Variants in CACNA1A observed in about 807,000 individuals in gnomAD.
The protein encoded by CACNA1A is calcium voltage-gated channel subunit alpha1 A.
CACNA1A carries 57 observed loss-of-function variants against 262.4 expected under a neutral mutation model. The ratio of observed to expected loss-of-function variants is 0.22; its 90% CI spans 0.18 to 0.27. The LOEUF is 0.27. Among genes scored for constraint, CACNA1A ranks in the 10% least tolerant of loss-of-function variants. CACNA1A has a pLI of 1.00. For synonymous variants in CACNA1A, 1,431 were observed against 1,419.3 expected (o/e 1.01, Z -0.18); for missense variants, 2,526 against 3,562.8 (o/e 0.71, Z 7.41).
In CACNA1A at chr19:13,207,271, T is replaced by TG. The variant is rs1236183467; in HGVS notation, c.*41dup. ...CGGCTCCTCGGGTGGGGTGTGTGCGTGGGGTGCGTGGGGGGCCGGGCGGGC... is the reference window on the plus strand; with the variant it reads ...CGGCTCCTCGGGTGGGGTGTGTGCGTGGGGGTGCGTGGGGGGCCGGGCGGGC... On this transcript the variant is annotated 3_prime_UTR_variant, in exon 47 of 47. Coordinates refer to ENST00000360228, the MANE Select transcript of CACNA1A (RefSeq NM_001127222.2). This position sits in a 1 kb window ranked among gnomAD's most constrained non-coding sequence, Gnocchi z 5.7. 1.3e-6 allele frequency: 2 copies of TG among 1,506,420 alleles called. No homozygotes were observed. The highest frequency in any genetic ancestry group is 1.8e-6 in the Non-Finnish European group (2 of 1,131,886). The allele number at this position is 1,506,420 out of a possible 1,614,324, so 93.3% of individuals were successfully genotyped here.
Position 13,208,796 on chromosome 19 carries a change from C to T in CACNA1A, c.6740G>A (p.Arg2247His), listed in dbSNP as rs1219651327. Residue 2247 changes from arginine (R) to histidine (H), a missense_variant, in exon 46 of 47, where the codon CGC becomes CAC. By Grantham distance (29) the Arg-to-His change is conservative. This residue lies in a region of CACNA1A where 929 missense variants were observed against 868.1 expected (regional missense o/e 1.07). Coordinates refer to ENST00000360228, the MANE Select transcript of CACNA1A (RefSeq NM_001127222.2). ...RARARDQRWS[R>H]SPSEGREHMA... ...GTGCTCTCGGCCCTCGCTGGGCGAG[C>T]GGGACCAGCGCTGGTCCCGAGCCCG... 6.7e-6 allele frequency: 10 copies of T among 1,486,196 alleles called. No homozygotes were observed. Among genetic ancestry groups the T allele is most frequent in the Middle Eastern group, 4.7e-4 (2 of 4,300 alleles). The allele number at this position is 1,486,196 out of a possible 1,614,324, so 92.1% of individuals were successfully genotyped here. A position where few individuals can be genotyped will look rare whatever the true frequency, so the allele number is the denominator to read the frequency against.
chr19:13,278,966 T>G (rs2057219318), intron 22 of CACNA1A, among the ~76,000 whole-genome samples: 1 of 152,024 alleles, frequency 6.6e-6, no homozygotes, highest in Non-Finnish European at 1.5e-5. Context: ...GTATTTCAGG[T>G]GCACGAGGCA....
rs2059428027 is a variant in CACNA1A at position 13,376,887 on chromosome 19, T to TATAACAC, written c.540-5109_540-5108insGTGTTAT. Among the ~76,000 whole-genome samples the TATAACAC allele has an allele frequency of 3.7e-5, 5 of 136,786 alleles. 1 individual carries two copies. The highest frequency in any genetic ancestry group is 1.2e-4 in the African/African-American group (5 of 40,166). 89.7% of individuals were successfully genotyped at this position (136,786 alleles called of 152,430 possible). On this transcript the variant is annotated intron_variant, in intron 3 of 46. Transcript: ENST00000360228. Reference sequence around the variant, plus strand: ...TATGTGATATATATAACACATGATATATGTTATATGTGATATATAATTTAT... The same window carrying TATAACAC: ...TATGTGATATATATAACACATGATATATAACACATGTTATATGTGATATATAATTTAT...
intron 3 of CACNA1A, among the ~76,000 whole-genome samples, chr19:13,389,624 C>A (rs1307385192): frequency 6.6e-6 from 1 of 151,998 alleles, no homozygotes; most frequent in Non-Finnish European, 1.5e-5. Context: ...CTTTCATTTC[C>A]ATCTTTCTGG....
intron 1 of CACNA1A, among the ~76,000 whole-genome samples, chr19:13,475,501 A>G (rs756192987): frequency 2.6e-5 from 4 of 152,218 alleles, no homozygotes; most frequent in Admixed American, 2.0e-4. Flanking sequence ...ATGAAACCAA[A>G]TCACACAGCC....
At chr19:13,232,439 G>C (rs2055699126) in intron 34 of CACNA1A, among the ~76,000 whole-genome samples, 1 of 151,942 alleles carries the variant, frequency 6.6e-6, no homozygotes, top group African/African-American at 2.4e-5. Flanking sequence ...TGCTTTAAAA[G>C]CTCCCCTCTT....
At chr19:13,266,056 C>T (rs2056853814) in intron 24 of CACNA1A, among the ~76,000 whole-genome samples, 1 of 152,074 alleles carries the variant, frequency 6.6e-6, no homozygotes, top group East Asian at 1.9e-4. Context: ...GTTGGTCAGG[C>T]TGGTCTCGAA....
At chr19:13,480,722 C>A (rs1005059722) in intron 1 of CACNA1A, among the ~76,000 whole-genome samples, 2 of 152,146 alleles carry the variant, frequency 1.3e-5, no homozygotes, top group African/African-American at 2.4e-5. Context: ...TTTGACTGCA[C>A]AGGAGGTCAT....
chr19:13,361,559 T>C (rs2059111661), intron 5 of CACNA1A, among the ~76,000 whole-genome samples: 1 of 152,174 alleles, frequency 6.6e-6, no homozygotes, highest in African/African-American at 2.4e-5. Flanking sequence ...TATCTCTCAA[T>C]GTATGTGCTA....
At chr19:13,499,001 G>T (rs1982021836) in intron 1 of CACNA1A, among the ~76,000 whole-genome samples, 1 of 152,170 alleles carries the variant, frequency 6.6e-6, no homozygotes, top group South Asian at 2.1e-4. Flanking sequence ...CGCCAGGAAT[G>T]TTCCTTGTTT....
chr19:13,266,806 C>T (rs2056874003), intron 24 of CACNA1A, among the ~76,000 whole-genome samples: 2 of 152,304 alleles, frequency 1.3e-5, no homozygotes, highest in African/African-American at 2.4e-5. Context: ...AACTCCTGAC[C>T]TCAAGTGATC....
chr19:13,277,109 T>C lies in CACNA1A; in HGVS notation c.3842A>G (p.Tyr1281Cys), dbSNP rs1435511390. Residue 1281 changes from tyrosine (Y) to cysteine (C), a missense_variant, in exon 23 of 47, where the codon TAC becomes TGC. Tyr to Cys is a radical substitution (Grantham distance 194). Transcript: ENST00000360228. ...AAAGGTAAAGACGCCTGTAAAAACG[T>C]AGTCAAAGTATCGCAGCACCTGTAA... is the stretch of plus-strand genomic sequence containing the variant. ...PRNNVLRYFD[Y>C]VFTGVFTFEM... The C allele has an allele frequency of 4.3e-6, 7 of 1,612,248 alleles. No homozygotes were observed. Among genetic ancestry groups the C allele is most frequent in the South Asian group, 1.1e-5 (1 of 91,052 alleles).
At chr19:13,414,871 G>T (rs902563538) in intron 3 of CACNA1A, among the ~76,000 whole-genome samples, 1 of 152,144 alleles carries the variant, frequency 6.6e-6, no homozygotes, top group Non-Finnish European at 1.5e-5. Context: ...GCTGAGGGGG[G>T]AGGATCGCCT....
chr19:13,482,057 T>A (rs1032598803), intron 1 of CACNA1A, among the ~76,000 whole-genome samples: 1 of 152,062 alleles, frequency 6.6e-6, no homozygotes, highest in East Asian at 1.9e-4. Flanking sequence ...ACGGAAAGAT[T>A]TTCACTTAAA....
At chr19:13,376,813 A>G (rs972713887) in intron 3 of CACNA1A, among the ~76,000 whole-genome samples, 1 of 76,678 alleles carries the variant, frequency 1.3e-5, no homozygotes, top group Non-Finnish European at 3.2e-5. Context: ...AATATATGTT[A>G]TGTGTGATAT....
At chr19:13,439,710 C>T (rs116573995) in intron 3 of CACNA1A, among the ~76,000 whole-genome samples, 2,381 of 152,092 alleles carry the variant, frequency 0.016, 57 homozygotes, top group African/African-American at 0.053. Flanking sequence ...CGTGCCTGGC[C>T]CAGTCTGGGT....
At chr19:13,314,613 A>G (rs1347332623) in intron 11 of CACNA1A, among the ~76,000 whole-genome samples, 2 of 152,176 alleles carry the variant, frequency 1.3e-5, no homozygotes, top group Admixed American at 1.3e-4. Context: ...AAACCTGCCA[A>G]TGCCTTGATC....
chr19:13,406,512 T>TATATATGA (rs56034344), intron 3 of CACNA1A, among the ~76,000 whole-genome samples: 1 of 100,214 alleles, frequency 1.0e-5, no homozygotes, highest in Non-Finnish European at 2.0e-5. Flanking sequence ...TATATATATA[T>TATATATGA]GAAGGGAATC....
chr19:13,268,624 T>C (rs148661765), intron 24 of CACNA1A, among the ~76,000 whole-genome samples: 2,776 of 151,936 alleles, frequency 0.018, 71 homozygotes, highest in African/African-American at 0.063. Context: ...TTAGTAGAGA[T>C]GGGGTTTCAC....
Sources: gnomAD v4.1 joint callset for allele counts (sites outside exome capture counted in the v4.1 genomes callset) on GRCh38, gnomAD v4.1.1 for gene constraint, gnomAD v4.1.1 regional missense constraint, Gnocchi (gnomAD v3.1) non-coding constraint, MANE v1.5 for transcripts, NCBI Gene and HGNC (gene_info 2026-07-23, HGNC 2026-07-21) for gene names.